The following ARIH1 variants were observed in gnomAD, a reference collection of about 807,000 sequenced individuals.
The protein encoded by ARIH1 is ariadne RBR E3 ubiquitin protein ligase 1, also known as E3 ubiquitin-protein ligase ARIH1.
In ARIH1, 8 loss-of-function variants were observed where a neutral mutation model predicts 85.0. The observed-to-expected ratio is 0.09, with a 90% CI of 0.06 to 0.17. The LOEUF is 0.17. ARIH1 is among the 10% of genes least tolerant of loss of function. ARIH1 has a pLI of 1.00. For missense variants in ARIH1, 311 were observed against 718.1 expected, an observed-to-expected ratio of 0.43 and a Z score of 6.48; for synonymous variants, 238 against 253.6, an observed-to-expected ratio of 0.94 and a Z score of 0.59.
rs71137306 is a variant in ARIH1 at position 72,594,811 on chromosome 15, C to CTTTTTTTTTTTTTTTTT, written c.*11530_*11546dup. On this transcript the variant is annotated 3_prime_UTR_variant, in exon 14 of 14. Coordinates refer to ENST00000379887, the MANE Select transcript of ARIH1 (RefSeq NM_005744.5). ...TTTTTCTGATTTTATGCCTTTTCTT[C>CTTTTTTTTTTTTTTTTT]TTTTTTTTTTTTTTTTTTTTTTTTT... 8.2e-4 allele frequency: 65 copies of CTTTTTTTTTTTTTTTTT among 79,620 alleles called. 10 individuals are homozygous for CTTTTTTTTTTTTTTTTT. Among genetic ancestry groups the CTTTTTTTTTTTTTTTTT allele is most frequent in the African/African-American group, 3.3e-3 (54 of 16,422 alleles). 4.9% of individuals were successfully genotyped at this position (79,620 alleles called of 1,614,324 possible).
chr15:72,533,637 ATAAAACT>A (rs1315038331), intron 2 of ARIH1, among the ~76,000 whole-genome samples: 2 of 152,236 alleles, frequency 1.3e-5, no homozygotes, highest in Non-Finnish European at 2.9e-5. Flanking sequence ...AAAGTCATAT[ATAAAACT>A]GGTGGTGGCT....
At position 72,474,485 on chromosome 15, in the gene ARIH1, C is replaced by G; in HGVS notation, c.-155C>G. On this transcript the variant is annotated 5_prime_UTR_variant, in exon 1 of 14. Coordinates refer to ENST00000379887, the MANE Select transcript of ARIH1 (RefSeq NM_005744.5). ...CCCCGCCGCCACCAGCCGTCAAACGCCAACCGCCGCTCCTGGGGAGGAGCC... is the reference window on the plus strand; with the variant it reads ...CCCCGCCGCCACCAGCCGTCAAACGGCAACCGCCGCTCCTGGGGAGGAGCC... The G allele has an allele frequency of 9.4e-7, 1 of 1,058,430 alleles. No homozygotes were observed. Among genetic ancestry groups the G allele is most frequent in the Non-Finnish European group, 1.3e-6 (1 of 772,524 alleles). 65.6% of individuals were successfully genotyped at this position (1,058,430 alleles called of 1,614,324 possible). A position where few individuals can be genotyped will look rare whatever the true frequency, so the allele number is the denominator to read the frequency against.
chr15:72,527,448 A>G (rs778624665), intron 2 of ARIH1, among the ~76,000 whole-genome samples: 2 of 151,446 alleles, frequency 1.3e-5, no homozygotes, highest in African/African-American at 4.9e-5. Context: ...CCTGGGAGGA[A>G]TTCTCTCACC....
Position 72,597,892 on chromosome 15 carries a change from G to C in ARIH1, c.*14600G>C, listed in dbSNP as rs2064369100. ...GTTCAACTAGGAATAACAACAGCTAGGGGGTCTCTTCTCTCCTATGAAGGA... is the reference window on the plus strand; with the variant it reads ...GTTCAACTAGGAATAACAACAGCTACGGGGTCTCTTCTCTCCTATGAAGGA... On this transcript the variant is annotated 3_prime_UTR_variant, in exon 14 of 14. Transcript: ENST00000379887. 1 of 152,134 alleles carries C rather than the reference G, an allele frequency of 6.6e-6. No homozygotes were observed. Among genetic ancestry groups the C allele is most frequent in the South Asian group, 2.1e-4 (1 of 4,824 alleles). The allele number at this position is 152,134 out of a possible 1,614,324, so 9.4% of individuals were successfully genotyped here.
At chr15:72,501,173 G>T (rs1422018576) in intron 1 of ARIH1, among the ~76,000 whole-genome samples, 2 of 152,108 alleles carry the variant, frequency 1.3e-5, no homozygotes, top group Non-Finnish European at 2.9e-5. Flanking sequence ...GGATACAGGG[G>T]TATATTTTTG....
chr15:72,481,150 A>G (rs1158026348), intron 1 of ARIH1, among the ~76,000 whole-genome samples: 1 of 152,144 alleles, frequency 6.6e-6, no homozygotes, highest in Non-Finnish European at 1.5e-5. Context: ...TTGGACTTTT[A>G]TATTTTCCCA....
rs980974331 is a variant in ARIH1, at chr15:72,601,346, C to G, written c.*18054C>G. 1.3e-5 allele frequency: 2 copies of G among 152,196 alleles called. No homozygotes were observed. Among genetic ancestry groups the G allele is most frequent in the Non-Finnish European group, 2.9e-5 (2 of 68,044 alleles). 9.4% of individuals were successfully genotyped at this position (152,196 alleles called of 1,614,324 possible). On this transcript the variant is annotated 3_prime_UTR_variant, in exon 14 of 14. Coordinates refer to ENST00000379887, the MANE Select transcript of ARIH1 (RefSeq NM_005744.5). ...AAAATTCTCTAGTGCCTTCCCAATGCCCTTAAAATAAAATTCCTCATATGG... is the reference window on the plus strand; with the variant it reads ...AAAATTCTCTAGTGCCTTCCCAATGGCCTTAAAATAAAATTCCTCATATGG...
chr15:72,545,503 C>G (rs2064125095), intron 3 of ARIH1, among the ~76,000 whole-genome samples: 1 of 152,174 alleles, frequency 6.6e-6, no homozygotes, highest in Admixed American at 6.5e-5. Context: ...TGATGTTAAT[C>G]CCTTAAGTAC....
intron 2 of ARIH1, among the ~76,000 whole-genome samples, chr15:72,538,924 G>T (rs2064094759): frequency 6.6e-6 from 1 of 152,162 alleles, no homozygotes; most frequent in African/African-American, 2.4e-5. Context: ...TAGGCCATAG[G>T]AATGGGTGTT....
intron 1 of ARIH1, among the ~76,000 whole-genome samples, chr15:72,478,560 A>G (rs961308606): frequency 1.3e-5 from 2 of 152,188 alleles, no homozygotes; most frequent in African/African-American, 4.8e-5. Flanking sequence ...TGTGCTTTCT[A>G]AGTATGCCAG....
chr15:72,509,596 C>G (rs145902370), intron 1 of ARIH1, among the ~76,000 whole-genome samples: 1 of 151,904 alleles, frequency 6.6e-6, no homozygotes, highest in Non-Finnish European at 1.5e-5. Flanking sequence ...TTTATTTTCA[C>G]TCATTCATTT....
rs74247708 is a variant in ARIH1 at position 72,573,879 on chromosome 15, A to T, written c.1215+1714A>T. On this transcript the variant is annotated intron_variant, in intron 11 of 13. Transcript: ENST00000379887. ...ACTGTACTGTTAAATATCATGAGAT[A>T]ACTTGTTCTCCCACCAATTTTCTTT... Among the ~76,000 whole-genome samples, 78 of 152,278 alleles carry T rather than the reference A, an allele frequency of 5.1e-4. 1 individual carries two copies. The East Asian group carries it at 0.013, about 26-fold the overall frequency.
chr15:72,502,711 T>G (rs900027942), intron 1 of ARIH1, among the ~76,000 whole-genome samples: 1 of 151,892 alleles, frequency 6.6e-6, no homozygotes, highest in African/African-American at 2.4e-5. Context: ...GAAGCTGAGG[T>G]GAGAGGATTG....
rs56159127 is a variant in ARIH1 at position 72,560,827 on chromosome 15, G to GAATTATTTTTCTTGT, written c.738-653_738-652insTATTTTTCTTGTAAT. Reference sequence around the variant, plus strand: ...ATGTTCTTCATGTCTTTCTCAGTGGGAATACACTCAGAGGAGTATTTACCA... The same window carrying GAATTATTTTTCTTGT: ...ATGTTCTTCATGTCTTTCTCAGTGGGAATTATTTTTCTTGTAATACACTCAGAGGAGTATTTACCA... On this transcript the variant is annotated intron_variant, in intron 5 of 13. Coordinates refer to ENST00000379887, the MANE Select transcript of ARIH1 (RefSeq NM_005744.5). 1.2e-3 allele frequency among the ~76,000 whole-genome samples: 186 copies of GAATTATTTTTCTTGT among 152,030 alleles called. 1 individual carries two copies. The highest frequency in any genetic ancestry group is 7.5e-4 in the Non-Finnish European group (51 of 67,994).
At chr15:72,500,321 T>A (rs2063897521) in intron 1 of ARIH1, among the ~76,000 whole-genome samples, 1 of 152,144 alleles carries the variant, frequency 6.6e-6, no homozygotes, top group African/African-American at 2.4e-5. Flanking sequence ...TGTCGATCTC[T>A]TGACCTCGTG....
At chr15:72,525,090 C>G (rs2064021382) in intron 2 of ARIH1, among the ~76,000 whole-genome samples, 1 of 152,060 alleles carries the variant, frequency 6.6e-6, no homozygotes, top group African/African-American at 2.4e-5. Context: ...GGGGTTTCAT[C>G]ATGTTGGCCA....
In ARIH1 at chr15:72,585,894, C is replaced by T. The variant is rs530407760; in HGVS notation, c.*2602C>T. ...AAGCCATGACAGCTTCCCTGTTTCA[C>T]CTACAGAAGTCTTATCTGAGGGATC... On this transcript the variant is annotated 3_prime_UTR_variant, in exon 14 of 14. Transcript: ENST00000379887. The T allele has an allele frequency of 1.1e-3, 175 of 152,294 alleles. 1 individual carries two copies. Among genetic ancestry groups the T allele is most frequent in the African/African-American group, 3.9e-3 (164 of 41,556 alleles). The allele number at this position is 152,294 out of a possible 1,614,324, so 9.4% of individuals were successfully genotyped here.
At chr15:72,549,213 G>A (rs1009057136) in intron 3 of ARIH1, among the ~76,000 whole-genome samples, 73 of 150,678 alleles carry the variant, frequency 4.8e-4, no homozygotes, top group Non-Finnish European at 5.6e-4. Context: ...TCAGCCTCCC[G>A]AGTAGCTGGG....
intron 2 of ARIH1, among the ~76,000 whole-genome samples, chr15:72,533,886 G>A (rs1044246047): frequency 3.9e-5 from 6 of 152,066 alleles, no homozygotes; most frequent in African/African-American, 1.4e-4. Context: ...CAACCTGGGC[G>A]ACAGAGTGAG....
Sources: allele counts gnomAD v4.1 joint callset (sites outside exome capture counted in the v4.1 genomes callset), GRCh38; gene constraint gnomAD v4.1.1; transcripts MANE v1.5; gene names NCBI Gene and HGNC (gene_info 2026-07-23, HGNC 2026-07-21).